Variants in PPM1L observed in about 807,000 individuals in gnomAD.
The protein encoded by PPM1L is protein phosphatase 1L.
A neutral mutation model predicts 31.4 loss-of-function variants in PPM1L; 13 were observed. That is an observed-to-expected ratio of 0.41 (90% CI 0.27 to 0.66). PPM1L has a LOEUF of 0.66. Among genes scored for constraint, PPM1L ranks in the 30% least tolerant of loss-of-function variants. PPM1L has a pLI of 0.29. For missense variants in PPM1L, 326 were observed against 453.7 expected (o/e 0.72, Z 2.56); for synonymous variants, 184 against 175.4 (o/e 1.05, Z -0.39).
At chr3:160,757,187 G>T (rs1714833530) in intron 1 of PPM1L, among the ~76,000 whole-genome samples, 1 of 152,110 alleles carries the variant, frequency 6.6e-6, no homozygotes, top group Non-Finnish European at 1.5e-5. Flanking sequence ...TGAGGGTGAA[G>T]GAAGCTGTGA....
chr3:160,757,713 G>A (rs569028377), intron 1 of PPM1L, among the ~76,000 whole-genome samples: 24 of 152,338 alleles, frequency 1.6e-4, no homozygotes, highest in African/African-American at 5.5e-4. Flanking sequence ...GTTCATTGCT[G>A]CATACTCTTT....
At chr3:160,813,448 T>A (rs1283031823) in intron 1 of PPM1L, among the ~76,000 whole-genome samples, 2 of 152,206 alleles carry the variant, frequency 1.3e-5, no homozygotes, top group Non-Finnish European at 2.9e-5. Context: ...GAAGTGATTC[T>A]TGTTCCTCAG....
intron 1 of PPM1L, among the ~76,000 whole-genome samples, chr3:160,800,832 A>G (rs1712403229): frequency 6.6e-6 from 1 of 152,146 alleles, no homozygotes; most frequent in Non-Finnish European, 1.5e-5. Context: ...TGTACTTTTC[A>G]TGTATTTTCT....
chr3:161,061,045 C>G (rs1364481730), intron 2 of PPM1L, among the ~76,000 whole-genome samples: 4 of 152,070 alleles, frequency 2.6e-5, no homozygotes, highest in Admixed American at 2.6e-4. Flanking sequence ...TTCCCAGCAA[C>G]AAGCAGTTTG....
At chr3:160,888,260 C>T (rs1712991598) in intron 1 of PPM1L, among the ~76,000 whole-genome samples, 1 of 152,062 alleles carries the variant, frequency 6.6e-6, no homozygotes, top group South Asian at 2.1e-4. Flanking sequence ...GAGTCAAGAC[C>T]CATTAGCGTG....
chr3:160,916,731 T>C (rs1055062173), intron 1 of PPM1L, among the ~76,000 whole-genome samples: 1 of 152,128 alleles, frequency 6.6e-6, no homozygotes, highest in Non-Finnish European at 1.5e-5. Flanking sequence ...CTAACTTAAG[T>C]TACTGCTTTT....
intron 1 of PPM1L, among the ~76,000 whole-genome samples, chr3:160,843,404 T>TG (rs1218973274): frequency 3.3e-5 from 4 of 119,406 alleles, no homozygotes; most frequent in East Asian, 2.8e-4. Flanking sequence ...GATTTTTTTT[T>TG]TGTGTGTGTA....
chr3:160,823,147 A>C (rs1713252489), intron 1 of PPM1L, among the ~76,000 whole-genome samples: 1 of 152,070 alleles, frequency 6.6e-6, no homozygotes, highest in African/African-American at 2.4e-5. Context: ...GAAGGTTGCC[A>C]GGGTAGCTTT....
At chr3:160,935,133 C>T (rs1279802343) in intron 1 of PPM1L, among the ~76,000 whole-genome samples, 2 of 152,124 alleles carry the variant, frequency 1.3e-5, no homozygotes, top group African/African-American at 4.8e-5. Flanking sequence ...CTGTGTGTTA[C>T]TCAGCAGTGG....
intron 1 of PPM1L, among the ~76,000 whole-genome samples, chr3:160,887,539 T>A (rs916842003): frequency 2.0e-5 from 3 of 150,690 alleles, no homozygotes; most frequent in Non-Finnish European, 4.4e-5. Flanking sequence ...GCAGAAACTC[T>A]ACAAGCCAGA....
Position 161,058,249 on chromosome 3 carries a change from G to A in PPM1L, c.575-7154G>A, listed in dbSNP as rs192961885. 1.9e-3 allele frequency among the ~76,000 whole-genome samples: 282 copies of A among 146,840 alleles called. 7 individuals carry two copies. Among genetic ancestry groups the A allele is most frequent in the Admixed American group, 0.016 (230 of 14,446 alleles). On this transcript the variant is annotated intron_variant, in intron 2 of 3. Transcript: ENST00000498165. ...AAGCAATTCTCCTGCCTCAGCCTCC[G>A]GAGTAACTGGGATTACAGGCATGTG...
At chr3:161,051,170 C>T (rs1345884578) in intron 2 of PPM1L, among the ~76,000 whole-genome samples, 3 of 152,206 alleles carry the variant, frequency 2.0e-5, no homozygotes, top group East Asian at 3.8e-4. Context: ...CACACCCATA[C>T]ATCTGGGCTC....
chr3:160,903,220 G>T (rs9878182), intron 1 of PPM1L, among the ~76,000 whole-genome samples: 1 of 126,554 alleles, frequency 7.9e-6, no homozygotes, highest in Admixed American at 8.1e-5. Context: ...GTGTGTGTGT[G>T]TGTGTGTGTG....
intron 1 of PPM1L, among the ~76,000 whole-genome samples, chr3:160,847,353 T>C (rs937561941): frequency 2.6e-5 from 4 of 152,180 alleles, no homozygotes; most frequent in African/African-American, 7.2e-5. Context: ...AAAAAATAGA[T>C]ATAGAGTGGA....
intron 1 of PPM1L, among the ~76,000 whole-genome samples, chr3:160,828,665 A>C (rs1337860179): frequency 6.6e-6 from 1 of 152,082 alleles, no homozygotes; most frequent in East Asian, 1.9e-4. Flanking sequence ...CACCTGGGAC[A>C]CATGGTCATG....
chr3:160,785,893 G>T (rs1221656925), intron 1 of PPM1L, among the ~76,000 whole-genome samples: 3 of 141,388 alleles, frequency 2.1e-5, no homozygotes, highest in Non-Finnish European at 3.0e-5. Context: ...AAGTAAAATT[G>T]CTGGGTGAAA....
rs147438334 is a variant in PPM1L at position 161,044,618 on chromosome 3, G to C, written c.575-20785G>C. 2.7e-3 allele frequency among the ~76,000 whole-genome samples: 407 copies of C among 151,994 alleles called. 2 individuals are homozygous for C. The highest frequency in any genetic ancestry group is 0.01 in the Middle Eastern group (3 of 294). On this transcript the variant is annotated intron_variant, in intron 2 of 3. Coordinates refer to ENST00000498165, the MANE Select transcript of PPM1L (RefSeq NM_139245.4). ...GCCTGCCCTACAAGAGCTCCTGAAG[G>C]AAGCACTACACATGGAAAGGAACAA...
At chr3:160,895,464 C>A (rs930613778) in intron 1 of PPM1L, among the ~76,000 whole-genome samples, 1 of 152,152 alleles carries the variant, frequency 6.6e-6, no homozygotes, top group African/African-American at 2.4e-5. Flanking sequence ...GCAATCCTCC[C>A]ACCTTGGCCT....
Position 160,944,991 on chromosome 3 carries a change from ATATATATAACTATATATAACATATATAT to A in PPM1L, c.400-16694_400-16667del, listed in dbSNP as rs1559897544. ...TATATTATATATAACTATATATAACATATATATAACTATATATAACATATATATTATATATAACTATATATAACATATA... is the reference window on the plus strand; with the variant it reads ...TATATTATATATAACTATATATAACATATATATAACTATATATAACATATA... On this transcript the variant is annotated intron_variant, in intron 1 of 3. Coordinates refer to ENST00000498165, the MANE Select transcript of PPM1L (RefSeq NM_139245.4). Among the ~76,000 whole-genome samples the A allele has an allele frequency of 7.6e-4, 18 of 23,560 alleles. 3 individuals carry two copies. Among genetic ancestry groups the A allele is most frequent in the Non-Finnish European group, 1.2e-3 (12 of 9,828 alleles). 15.5% of individuals were successfully genotyped at this position (23,560 alleles called of 152,430 possible). A position where few individuals can be genotyped will look rare whatever the true frequency, so the allele number is the denominator to read the frequency against.
Sources: allele counts gnomAD v4.1 joint callset (sites outside exome capture counted in the v4.1 genomes callset), GRCh38; gene constraint gnomAD v4.1.1; transcripts MANE v1.5; gene names NCBI Gene and HGNC (gene_info 2026-07-23, HGNC 2026-07-21).